Variants in SPRY3 observed in about 807,000 individuals in gnomAD.
The protein encoded by SPRY3 is protein sprouty homolog 3.
In SPRY3, 15 loss-of-function variants were observed where a neutral mutation model predicts 20.2. The ratio of observed to expected loss-of-function variants is 0.74; its 90% confidence interval spans 0.50 to 1.14. SPRY3 has a LOEUF of 1.14. SPRY3 is among the 50% of genes most tolerant of loss of function. The pLI is 0.00. For synonymous variants in SPRY3, 143 were observed against 136.5 expected (o/e 1.05, Z -0.33); for missense variants, 364 against 363.9 (o/e 1.00, Z 0.00).
At chrX:155,727,305 A>G (rs1199814071) in intron 2 of SPRY3, among the ~76,000 whole-genome samples, 4 of 152,082 alleles carry the variant, frequency 2.6e-5, no homozygotes, top group African/African-American at 9.7e-5. Context: ...CTCGAGGAGT[A>G]TCTTTGTGGT....
chrX:155,658,340 A>G (rs1462980398), intron 2 of SPRY3, among the ~76,000 whole-genome samples: 4 of 111,546 alleles, frequency 3.6e-5, no homozygotes, highest in East Asian at 2.8e-4. Flanking sequence ...CTTCCATTTA[A>G]TTGTGTCATC....
chrX:155,770,195 G>A (rs184311793), intron 3 of SPRY3, among the ~76,000 whole-genome samples: 67 of 152,226 alleles, frequency 4.4e-4, no homozygotes, highest in Non-Finnish European at 7.5e-4. Context: ...TGAAATCAAC[G>A]TTGAGTCATA....
At chrX:155,691,967 C>T (rs2068102914) in intron 2 of SPRY3, among the ~76,000 whole-genome samples, 1 of 85,395 alleles carries the variant, frequency 1.2e-5, no homozygotes, top group South Asian at 4.7e-4. Context: ...CTCAAGCAAT[C>T]TTCCCACATC....
chrX:155,623,242 T>C (rs2067876987), intron 1 of SPRY3, among the ~76,000 whole-genome samples: 1 of 112,076 alleles, frequency 8.9e-6, no homozygotes, highest in African/African-American at 3.2e-5. Flanking sequence ...AGGATCTTCT[T>C]TTCTTTATGG....
At chrX:155,689,012 AACCTTTGTCAGATGCATAATTTGCAT>A (rs1251585995) in intron 2 of SPRY3, among the ~76,000 whole-genome samples, 4 of 87,725 alleles carry the variant, frequency 4.6e-5, no homozygotes, top group Non-Finnish European at 8.5e-5. Context: ...CTGGATATTA[AACCTTTGTCAGATGCATAATTTGCAT>A]AAATTTTCTC....
At chrX:155,764,285 C>T (rs1180801021) in intron 2 of SPRY3, among the ~76,000 whole-genome samples, 3 of 152,140 alleles carry the variant, frequency 2.0e-5, no homozygotes, top group Non-Finnish European at 4.4e-5. Context: ...CTGAAGAGTA[C>T]ACCATTAACT....
At chrX:155,767,054 T>A (rs1238475494) in intron 2 of SPRY3, among the ~76,000 whole-genome samples, 7 of 152,100 alleles carry the variant, frequency 4.6e-5, no homozygotes, top group Admixed American at 2.0e-4. Context: ...CTTAAAATTG[T>A]TACTCTCCAC....
chrX:155,683,919 G>C (rs1189126331), intron 2 of SPRY3, among the ~76,000 whole-genome samples: 2 of 110,923 alleles, frequency 1.8e-5, no homozygotes, highest in Non-Finnish European at 3.8e-5. Context: ...TGGAGAGTTC[G>C]AGTCAGGAGT....
chrX:155,616,138 T>TCTCTCTCTCTC, intron 1 of SPRY3, among the ~76,000 whole-genome samples: 1 of 98,453 alleles, frequency 1.0e-5, no homozygotes. Flanking sequence ...CTCCTCTCTC[T>TCTCTCTCTCTC]CTCTCTCTCT....
chrX:155,722,313 G>A (rs1363685504), intron 2 of SPRY3, among the ~76,000 whole-genome samples: 3 of 152,118 alleles, frequency 2.0e-5, no homozygotes, highest in Non-Finnish European at 2.9e-5. Context: ...CTTGAGGTCA[G>A]GGGTTCGAAA....
At chrX:155,733,196 A>G (rs1265915227) in intron 2 of SPRY3, among the ~76,000 whole-genome samples, 7 of 151,856 alleles carry the variant, frequency 4.6e-5, no homozygotes, top group Non-Finnish European at 1.0e-4. Flanking sequence ...GTTTGAGATT[A>G]TAGATATCTC....
chrX:155,732,832 C>G (rs2091142758), intron 2 of SPRY3, among the ~76,000 whole-genome samples: 1 of 151,992 alleles, frequency 6.6e-6, no homozygotes, highest in Non-Finnish European at 1.5e-5. Flanking sequence ...AATACGAGAT[C>G]CTGTCATTTG....
At chrX:155,720,490 T>C (rs1404998823) in intron 2 of SPRY3, among the ~76,000 whole-genome samples, 1 of 151,834 alleles carries the variant, frequency 6.6e-6, no homozygotes, top group Non-Finnish European at 1.5e-5. Context: ...CAGGCCTTGG[T>C]CAAGACCCCG....
rs28630004 is a variant in SPRY3 at position 155,771,641 on chromosome X, T to C, written c.-106-2125T>C. Reference sequence around the variant, plus strand: ...CCTCCCAGTCCCAAGTTCCTACATCTACATACCCTCCAAGCCAAATGAACA... The same window carrying C: ...CCTCCCAGTCCCAAGTTCCTACATCCACATACCCTCCAAGCCAAATGAACA... On this transcript the variant is annotated intron_variant, in intron 3 of 3. Transcript: ENST00000675360. Among the ~76,000 whole-genome samples, 650 of 152,326 alleles carry C rather than the reference T, an allele frequency of 4.3e-3. 5 individuals are homozygous for C. Among genetic ancestry groups the C allele is most frequent in the African/African-American group, 0.015 (622 of 41,574 alleles).
chrX:155,774,483 C>T, exon 4 of SPRY3: 3 of 1,614,016 alleles, frequency 1.9e-6, no homozygotes, highest in Non-Finnish European at 2.5e-6. Flanking sequence ...ATGATGAAGA[C>T]AACTGTGCTG....
chrX:155,657,589 C>T (rs1321430651), intron 2 of SPRY3, among the ~76,000 whole-genome samples: 3 of 112,163 alleles, frequency 2.7e-5, no homozygotes, highest in Non-Finnish European at 1.9e-5. Context: ...ACTTGGCTCC[C>T]TGGCTTCAGC....
intron 1 of SPRY3, among the ~76,000 whole-genome samples, chrX:155,656,545 C>G (rs2067992741): frequency 9.0e-6 from 1 of 110,952 alleles, no homozygotes; most frequent in Admixed American, 9.6e-5. Flanking sequence ...TGAACATGCT[C>G]CTTTAGCTCA....
intron 1 of SPRY3, among the ~76,000 whole-genome samples, chrX:155,616,150 T>TCC (rs55763745): frequency 2.5e-5 from 1 of 40,024 alleles, no homozygotes; most frequent in South Asian, 1.5e-3. Flanking sequence ...TCTCTCTCTC[T>TCC]TCTCTCTCTC....
intron 2 of SPRY3, among the ~76,000 whole-genome samples, chrX:155,732,635 A>C (rs958367569): frequency 1.4e-4 from 21 of 152,098 alleles, no homozygotes; most frequent in African/African-American, 4.3e-4. Context: ...ATGATCCAGC[A>C]ATCCCACTGT....
Sources: gnomAD v4.1 joint callset for allele counts (sites outside exome capture counted in the v4.1 genomes callset) on GRCh38, gnomAD v4.1.1 for gene constraint, MANE v1.5 for transcripts, NCBI Gene and HGNC (gene_info 2026-07-23, HGNC 2026-07-21) for gene names.